Variants in PLPP3 observed in about 807,000 individuals in gnomAD.
PLPP3 encodes phospholipid phosphatase 3.
A neutral mutation model predicts 29.6 loss-of-function variants in PLPP3; 6 were observed. The observed-to-expected ratio is 0.20, with a 90% CI of 0.11 to 0.40. PLPP3 has a LOEUF of 0.40. Among genes scored for constraint, PLPP3 ranks in the 10% least tolerant of loss-of-function variants. The pLI, the probability that PLPP3 is intolerant of heterozygous loss-of-function variation, is 1.00. For synonymous variants in PLPP3, 152 were observed against 159.7 expected (o/e 0.95, Z 0.36); for missense variants, 308 against 407.7 (o/e 0.76, Z 2.11).
rs369792818 is a variant in PLPP3 at position 56,545,469 on chromosome 1, C to T, written c.140-8357G>A. 4.0e-4 allele frequency among the ~76,000 whole-genome samples: 61 copies of T among 152,266 alleles called. No individual in the cohort carries two copies. The South Asian group carries it at 4.6e-3, about 11-fold the overall frequency. On this transcript the variant is annotated intron_variant, in intron 1 of 5. Coordinates refer to ENST00000371250, the MANE Select transcript of PLPP3 (RefSeq NM_003713.5). Reference sequence around the variant, plus strand: ...ATGGGCCCACCAGCCACTTCCCATACGCAATCTAATCTGCAGGGAAAAGCA... The same window carrying T: ...ATGGGCCCACCAGCCACTTCCCATATGCAATCTAATCTGCAGGGAAAAGCA...
intron 1 of PLPP3, among the ~76,000 whole-genome samples, chr1:56,564,444 T>A (rs530754687): frequency 6.6e-6 from 1 of 152,316 alleles, no homozygotes; most frequent in South Asian, 2.1e-4. Context: ...AAAGAATATA[T>A]AAATTCAAAC....
chr1:56,507,119 C>T (rs1427254442), intron 5 of PLPP3, among the ~76,000 whole-genome samples: 2 of 152,166 alleles, frequency 1.3e-5, no homozygotes, highest in Non-Finnish European at 2.9e-5. Context: ...CTAGACAAGT[C>T]TGCCTGTTGT....
intron 1 of PLPP3, among the ~76,000 whole-genome samples, chr1:56,555,433 T>TAAAAAAAAAAAAAAAAAAAAAAA (rs66593221): frequency 6.0e-4 from 20 of 33,214 alleles, no homozygotes; most frequent in Middle Eastern, 0.031. Flanking sequence ...GGCCAAACAC[T>TAAAAAAAAAAAAAAAAAAAAAAA]AAAAAAAAAA....
rs543471359 is a variant in PLPP3, at chr1:56,530,612, C to A, written c.298-6058G>T. ...CATCCGGCTTTTGCAAGGTCTTTTGCATCCATCTTTTTCTATTTCCCTTGC... is the reference window on the plus strand; with the variant it reads ...CATCCGGCTTTTGCAAGGTCTTTTGAATCCATCTTTTTCTATTTCCCTTGC... On this transcript the variant is annotated intron_variant, in intron 2 of 5. Transcript: ENST00000371250. Among the ~76,000 whole-genome samples, 15 of 152,326 alleles carry A rather than the reference C, an allele frequency of 9.8e-5. No individual in the cohort carries two copies. In the South Asian group the frequency reaches 3.1e-3, roughly 32 times the overall value.
In PLPP3 at chr1:56,573,784, A is replaced by G. The variant is rs144602897; in HGVS notation, c.139+5094T>C. On this transcript the variant is annotated intron_variant, in intron 1 of 5. Transcript: ENST00000371250. Reference sequence around the variant, plus strand: ...CATAAATATAACTGCCTACACAGGGAAGAAGCCCTTGACTATGGTCTCATT... The same window carrying G: ...CATAAATATAACTGCCTACACAGGGGAGAAGCCCTTGACTATGGTCTCATT... Among the ~76,000 whole-genome samples, 354 of 152,360 alleles carry G rather than the reference A, an allele frequency of 2.3e-3. 4 individuals are homozygous for G. Among genetic ancestry groups the G allele is most frequent in the African/African-American group, 8.4e-3 (348 of 41,576 alleles).
In PLPP3 at chr1:56,554,105, A is replaced by T. The variant is rs141887608; in HGVS notation, c.140-16993T>A. 8.7e-3 allele frequency among the ~76,000 whole-genome samples: 1,322 copies of T among 152,132 alleles called. 14 individuals are homozygous for T. Among genetic ancestry groups the T allele is most frequent in the African/African-American group, 0.03 (1,262 of 41,502 alleles). ...ATGAGACTCGAGTGGGTGATTGAGA[A>T]TATGGATAGCAGAAAAAGCACAGGT... is the stretch of plus-strand genomic sequence containing the variant. On this transcript the variant is annotated intron_variant, in intron 1 of 5. Transcript: ENST00000371250.
At chr1:56,500,701 C>T (rs1341478485) in intron 5 of PLPP3, among the ~76,000 whole-genome samples, 1 of 152,094 alleles carries the variant, frequency 6.6e-6, no homozygotes, top group African/African-American at 2.4e-5. Flanking sequence ...GTTGGAAAGA[C>T]CTGCATTAAG....
At chr1:56,502,009 G>A (rs573830612) in intron 5 of PLPP3, among the ~76,000 whole-genome samples, 1 of 152,294 alleles carries the variant, frequency 6.6e-6, no homozygotes, top group African/African-American at 2.4e-5. Flanking sequence ...TCACACTCCG[G>A]AAATGTCAGC....
chr1:56,548,100 G>A (rs1403288085), intron 1 of PLPP3, among the ~76,000 whole-genome samples: 1 of 152,136 alleles, frequency 6.6e-6, no homozygotes, highest in Non-Finnish European at 1.5e-5. Context: ...GGACAGGGCC[G>A]TGTCAGCTCA....
At chr1:56,535,492 T>A (rs1645920592) in intron 2 of PLPP3, among the ~76,000 whole-genome samples, 1 of 152,180 alleles carries the variant, frequency 6.6e-6, no homozygotes, top group South Asian at 2.1e-4. Flanking sequence ...CATTGTATAA[T>A]GAGGCCACAG....
intron 1 of PLPP3, among the ~76,000 whole-genome samples, chr1:56,553,909 T>C (rs1054141290): frequency 1.3e-5 from 2 of 152,150 alleles, no homozygotes; most frequent in African/African-American, 4.8e-5. Flanking sequence ...CAGAAAATGC[T>C]CAGTAAATGT....
At chr1:56,565,483 C>T (rs1259164150) in intron 1 of PLPP3, among the ~76,000 whole-genome samples, 57 of 151,940 alleles carry the variant, frequency 3.8e-4, no homozygotes, top group Admixed American at 3.7e-3. Flanking sequence ...TGCAGTGGCA[C>T]AGTCTCGGCT....
intron 1 of PLPP3, among the ~76,000 whole-genome samples, chr1:56,547,368 A>T (rs142625915): frequency 2.0e-5 from 3 of 152,176 alleles, no homozygotes; most frequent in Admixed American, 6.5e-5. Context: ...ACACTCTAGG[A>T]CTTGTGGATC....
chr1:56,548,942 G>GT (rs1379780494), intron 1 of PLPP3, among the ~76,000 whole-genome samples: 2 of 151,412 alleles, frequency 1.3e-5, no homozygotes, highest in Admixed American at 1.3e-4. Flanking sequence ...TTCCCAAGAA[G>GT]TTAACAAAAC....
At chr1:56,569,449 G>A (rs1196849732) in intron 1 of PLPP3, among the ~76,000 whole-genome samples, 1 of 152,116 alleles carries the variant, frequency 6.6e-6, no homozygotes, top group Non-Finnish European at 1.5e-5. Context: ...TGGGATTACA[G>A]GTGTGAGCCA....
chr1:56,563,553 G>C (rs1646143646), intron 1 of PLPP3, among the ~76,000 whole-genome samples: 1 of 152,174 alleles, frequency 6.6e-6, no homozygotes, highest in Admixed American at 6.5e-5. Flanking sequence ...TACAGAACTG[G>C]AACTGAGATT....
intron 1 of PLPP3, among the ~76,000 whole-genome samples, chr1:56,540,908 C>T (rs1489911950): frequency 1.3e-5 from 2 of 152,138 alleles, no homozygotes; most frequent in African/African-American, 4.8e-5. Flanking sequence ...CCTTTAGTTC[C>T]AATACCATCA....
rs1646225610 is a variant in PLPP3, at chr1:56,574,928, G to A, written c.139+3950C>T. ...GATGGTCTAGTTCCTTCCCTTTTTC[G>A]CAATGGTAAAGAAACTGAGACTCAG... On this transcript the variant is annotated intron_variant, in intron 1 of 5. Coordinates refer to ENST00000371250, the MANE Select transcript of PLPP3 (RefSeq NM_003713.5). Among the ~76,000 whole-genome samples, 5 of 152,042 alleles carry A rather than the reference G, an allele frequency of 3.3e-5. No individual in the cohort carries two copies. In the South Asian group the frequency reaches 6.2e-4, roughly 19 times the overall value.
At chr1:56,504,357 C>G (rs758304782) in intron 5 of PLPP3, among the ~76,000 whole-genome samples, 34 of 151,982 alleles carry the variant, frequency 2.2e-4, no homozygotes, top group Non-Finnish European at 4.1e-4. Flanking sequence ...TGCCAAGGAA[C>G]CTTCCAGGAA....
Sources: allele counts gnomAD v4.1 joint callset (sites outside exome capture counted in the v4.1 genomes callset), GRCh38; gene constraint gnomAD v4.1.1; transcripts MANE v1.5; gene names NCBI Gene and HGNC (gene_info 2026-07-23, HGNC 2026-07-21).